Variants in RALYL observed in about 807,000 individuals in gnomAD.
RALYL encodes RNA-binding Raly-like protein.
A neutral mutation model predicts 35.1 loss-of-function variants in RALYL; 29 were observed. The ratio of observed to expected loss-of-function variants is 0.83; its 90% CI spans 0.61 to 1.13. The LOEUF (loss-of-function observed/expected upper bound fraction) is 1.13. RALYL is among the 50% of genes most tolerant of loss of function. The probability of loss-of-function intolerance (pLI) is 0.00; values close to 1 mark genes in which losing one functional copy is unlikely to be tolerated. For missense variants in RALYL, 359 were observed against 360.4 expected (o/e 1.00, Z 0.03); for synonymous variants, 120 against 127.6 (o/e 0.94, Z 0.40).
chr8:84,903,449 C>T (rs1429454602), intron 8 of RALYL, among the ~76,000 whole-genome samples: 1 of 152,052 alleles, frequency 6.6e-6, no homozygotes, highest in Non-Finnish European at 1.5e-5. Context: ...CCCTTTGGTA[C>T]CTTAGTCTCC....
chr8:84,639,540 G>T (rs1455548090), intron 2 of RALYL, among the ~76,000 whole-genome samples: 5 of 151,872 alleles, frequency 3.3e-5, no homozygotes, highest in Non-Finnish European at 7.4e-5. Flanking sequence ...GGTTTCTTTG[G>T]GATTTCCTTT....
chr8:84,557,632 C>A (rs921195105), intron 2 of RALYL, among the ~76,000 whole-genome samples: 2 of 152,058 alleles, frequency 1.3e-5, no homozygotes, highest in Admixed American at 6.6e-5. Context: ...ACATAGCCAC[C>A]TTTTAATTGT....
intron 2 of RALYL, among the ~76,000 whole-genome samples, chr8:84,742,642 C>A (rs1807645373): frequency 6.6e-6 from 1 of 152,024 alleles, no homozygotes; most frequent in Non-Finnish European, 1.5e-5. Context: ...TGGAGACCAA[C>A]TCTCACAGGT....
At chr8:84,766,304 C>A (rs1024237874) in intron 2 of RALYL, among the ~76,000 whole-genome samples, 3 of 151,802 alleles carry the variant, frequency 2.0e-5, no homozygotes, top group Non-Finnish European at 2.9e-5. Context: ...TCTTTTTTTG[C>A]AGTTTTATCT....
chr8:84,575,846 A>G (rs1252212), intron 2 of RALYL, among the ~76,000 whole-genome samples: 45,433 of 151,698 alleles, frequency 0.3, 7,608 homozygotes, highest in African/African-American at 0.46. Flanking sequence ...GAGAATATTG[A>G]CTGGGCATAG....
intron 1 of RALYL, among the ~76,000 whole-genome samples, chr8:84,423,606 T>G (rs1208523860): frequency 6.6e-6 from 1 of 152,094 alleles, no homozygotes; most frequent in Non-Finnish European, 1.5e-5. Context: ...TTATAGCTGG[T>G]GATTTTGCTC....
chr8:84,471,314 G>A (rs1381257995), intron 1 of RALYL, among the ~76,000 whole-genome samples: 1 of 152,016 alleles, frequency 6.6e-6, no homozygotes, highest in Non-Finnish European at 1.5e-5. Flanking sequence ...CAGGGACAGT[G>A]TCTCACACCT....
At chr8:84,261,759 T>C (rs1179896878) in intron 1 of RALYL, among the ~76,000 whole-genome samples, 1 of 152,158 alleles carries the variant, frequency 6.6e-6, no homozygotes, top group Non-Finnish European at 1.5e-5. Flanking sequence ...AGACAATCAA[T>C]GCATGCAAAT....
intron 1 of RALYL, among the ~76,000 whole-genome samples, chr8:84,468,579 T>G (rs1041333057): frequency 6.1e-5 from 9 of 148,570 alleles, no homozygotes; most frequent in Non-Finnish European, 9.0e-5. Context: ...CCTTAACATT[T>G]TTTCCTTCAT....
At position 84,529,550 on chromosome 8, in the gene RALYL, G is replaced by A; in HGVS notation, c.229G>A (p.Ala77Thr). Residue 77 changes from alanine to threonine, a missense_variant, in exon 2 of 9, where the codon GCC becomes ACC. By Grantham distance (58) the Ala-to-Thr change is moderately conservative. Transcript: ENST00000521268. ...AAGAGCTGCAGTGGCTGGAGAAAAT[G>A]CCAGAGTCATCGCCGGCCAACCACT... ...HARAAVAGEN[A>T]RVIAGQPLDI... The A allele has an allele frequency of 1.2e-6, 2 of 1,608,800 alleles. No individual in the cohort carries two copies. Among genetic ancestry groups the A allele is most frequent in the Non-Finnish European group, 1.7e-6 (2 of 1,175,460 alleles).
intron 1 of RALYL, among the ~76,000 whole-genome samples, chr8:84,236,956 A>G (rs1312786830): frequency 6.6e-6 from 1 of 152,176 alleles, no homozygotes; most frequent in African/African-American, 2.4e-5. Context: ...AAGTAAATGT[A>G]TTTGGTTCTT....
At chr8:84,847,245 C>T (rs917686175) in intron 4 of RALYL, among the ~76,000 whole-genome samples, 2 of 152,192 alleles carry the variant, frequency 1.3e-5, no homozygotes, top group Non-Finnish European at 2.9e-5. Context: ...CATGGCATCT[C>T]TTATAGCTAG....
chr8:84,637,594 G>T lies in RALYL; in HGVS notation c.256+108017G>T, dbSNP rs1203260672. ...CTAAAGTAATCACTTCAAAGTTTAG[G>T]CTGGAGAGAGGGGCTTTAAAGGGGG... On this transcript the variant is annotated intron_variant, in intron 2 of 8. Transcript: ENST00000521268. Among the ~76,000 whole-genome samples, 3 of 151,856 alleles carry T rather than the reference G, an allele frequency of 2.0e-5. No homozygotes were observed. In the East Asian group the frequency reaches 5.8e-4, roughly 29 times the overall value.
At chr8:84,897,533 T>A (rs1288385407) in intron 8 of RALYL, among the ~76,000 whole-genome samples, 2 of 152,200 alleles carry the variant, frequency 1.3e-5, no homozygotes, top group African/African-American at 2.4e-5. Context: ...TTCTTTTTTT[T>A]AATAAAGATA....
At chr8:84,657,886 G>T (rs1564323209) in intron 2 of RALYL, among the ~76,000 whole-genome samples, 1 of 152,134 alleles carries the variant, frequency 6.6e-6, no homozygotes, top group African/African-American at 2.4e-5. Context: ...GATATAGATT[G>T]CTGTCCTTTT....
At chr8:84,335,567 C>A (rs1244022266) in intron 1 of RALYL, among the ~76,000 whole-genome samples, 1 of 151,884 alleles carries the variant, frequency 6.6e-6, no homozygotes, top group African/African-American at 2.4e-5. Flanking sequence ...TGTATTGAAT[C>A]GTCTCTCTTA....
chr8:84,745,049 C>T (rs1808284757), intron 2 of RALYL, among the ~76,000 whole-genome samples: 1 of 149,058 alleles, frequency 6.7e-6, no homozygotes, highest in Non-Finnish European at 1.5e-5. Flanking sequence ...CATGCAACAC[C>T]CCACTCCCAA....
chr8:84,377,470 T>TGTTTGTTTG (rs1298809661), intron 1 of RALYL, among the ~76,000 whole-genome samples: 18 of 148,624 alleles, frequency 1.2e-4, no homozygotes, highest in African/African-American at 3.2e-4. Flanking sequence ...TTTTTTTTTT[T>TGTTTGTTTG]TTTTTCTTAA....
At chr8:84,386,504 T>C (rs1269575261) in intron 1 of RALYL, among the ~76,000 whole-genome samples, 1 of 151,910 alleles carries the variant, frequency 6.6e-6, no homozygotes, top group African/African-American at 2.4e-5. Context: ...GACCACTTTG[T>C]AACTTATCAT....
Sources: allele counts gnomAD v4.1 joint callset (sites outside exome capture counted in the v4.1 genomes callset), GRCh38; gene constraint gnomAD v4.1.1; transcripts MANE v1.5; gene names NCBI Gene and HGNC (gene_info 2026-07-23, HGNC 2026-07-21).